PALLD: variants seen among roughly 807,000 people sequenced by gnomAD.
PALLD encodes the protein palladin.
PALLD carries 61 observed loss-of-function variants against 123.5 expected under a neutral mutation model. The observed-to-expected ratio is 0.49, with a 90% CI of 0.40 to 0.61. The LOEUF (loss-of-function observed/expected upper bound fraction) is 0.61. Among genes scored for constraint, PALLD ranks in the 20% least tolerant of loss-of-function variants. The pLI is 0.00. For missense variants in PALLD, 1,273 were observed against 1,377.0 expected, an observed-to-expected ratio of 0.92 and a Z score of 1.20; for synonymous variants, 465 against 496.4, an observed-to-expected ratio of 0.94 and a Z score of 0.84.
chr4:168,785,844 G>T (rs1252514310), intron 10 of PALLD, among the ~76,000 whole-genome samples: 4 of 53,212 alleles, frequency 7.5e-5, no homozygotes, highest in African/African-American at 1.1e-4. Context: ...ATAAACTGTA[G>T]AGATATATAT....
At chr4:168,561,951 A>T (rs1767910168) in intron 2 of PALLD, among the ~76,000 whole-genome samples, 1 of 152,318 alleles carries the variant, frequency 6.6e-6, no homozygotes, top group South Asian at 2.1e-4. Flanking sequence ...TTTAAATTAC[A>T]TGTATTTGCT....
intron 2 of PALLD, among the ~76,000 whole-genome samples, chr4:168,645,803 C>A (rs1434821324): frequency 6.6e-6 from 1 of 152,154 alleles, no homozygotes; most frequent in Non-Finnish European, 1.5e-5. Flanking sequence ...GCAAACGGGG[C>A]TGCTCACAGG....
At chr4:168,704,586 C>T (rs1784041027) in intron 8 of PALLD, among the ~76,000 whole-genome samples, 1 of 149,926 alleles carries the variant, frequency 6.7e-6, no homozygotes, top group Non-Finnish European at 1.5e-5. Flanking sequence ...ATGGCATGAA[C>T]CCGGGAGGCG....
chr4:168,677,606 C>T (rs1021105113), intron 3 of PALLD, among the ~76,000 whole-genome samples: 3 of 151,994 alleles, frequency 2.0e-5, no homozygotes, highest in Non-Finnish European at 4.4e-5. Flanking sequence ...GTGATAACTT[C>T]CATATGGTTT....
chr4:168,764,464 T>C (rs1440341092), intron 10 of PALLD, among the ~76,000 whole-genome samples: 1 of 152,114 alleles, frequency 6.6e-6, no homozygotes, highest in African/African-American at 2.4e-5. Context: ...TGGAGCACAA[T>C]AGCTATTCAC....
chr4:168,927,589 T>C lies in PALLD; in HGVS notation c.*1409T>C, dbSNP rs933863252. On this transcript the variant is annotated 3_prime_UTR_variant, in exon 22 of 22. Transcript: ENST00000505667. ...GAGAGACAAAAACAGGTTTGTGCCA[T>C]AAAGTATTTTTTCAAAGACACCAAG... The C allele has an allele frequency of 4.4e-6, 1 of 229,430 alleles. No homozygotes were observed. Among genetic ancestry groups the C allele is most frequent in the Admixed American group, 5.7e-5 (1 of 17,646 alleles). 14.2% of individuals were successfully genotyped at this position (229,430 alleles called of 1,614,324 possible). A position where few individuals can be genotyped will look rare whatever the true frequency, so the allele number is the denominator to read the frequency against.
chr4:168,855,028 T>C (rs571517010), intron 10 of PALLD, among the ~76,000 whole-genome samples: 1 of 151,840 alleles, frequency 6.6e-6, no homozygotes, highest in Non-Finnish European at 1.5e-5. Context: ...ATGAAAACAC[T>C]GTAAAAATAA....
chr4:168,527,244 G>T (rs1352039540), intron 2 of PALLD, among the ~76,000 whole-genome samples: 2 of 152,030 alleles, frequency 1.3e-5, no homozygotes, highest in African/African-American at 4.8e-5. Flanking sequence ...CCAACACGGA[G>T]AAACCCTGTC....
intron 16 of PALLD, among the ~76,000 whole-genome samples, chr4:168,914,714 C>T (rs898793045): frequency 6.6e-6 from 1 of 152,158 alleles, no homozygotes. Flanking sequence ...ATTTTATAGA[C>T]AGAATATCCT....
intron 10 of PALLD, among the ~76,000 whole-genome samples, chr4:168,726,904 C>G (rs893577548): frequency 1.3e-5 from 2 of 152,136 alleles, no homozygotes; most frequent in African/African-American, 4.8e-5. Context: ...TGGTAGTTAG[C>G]AGTGTCTGTC....
At chr4:168,633,585 TTTTTC>T (rs1466304272) in intron 2 of PALLD, among the ~76,000 whole-genome samples, 1 of 152,180 alleles carries the variant, frequency 6.6e-6, no homozygotes, top group Admixed American at 6.5e-5. Context: ...TTCTGAGTCT[TTTTTC>T]TTTTCTTTTT....
chr4:168,849,405 C>A, intron 10 of PALLD, among the ~76,000 whole-genome samples: 1 of 152,144 alleles, frequency 6.6e-6, no homozygotes, highest in East Asian at 1.9e-4. Context: ...AAGGTGATTT[C>A]TAGAATGCTC....
chr4:168,556,063 G>C (rs1268568082), intron 2 of PALLD, among the ~76,000 whole-genome samples: 1 of 151,964 alleles, frequency 6.6e-6, no homozygotes, highest in Non-Finnish European at 1.5e-5. Flanking sequence ...CTAACACATA[G>C]TATAGTCAGT....
intron 1 of PALLD, among the ~76,000 whole-genome samples, chr4:168,502,316 T>A (rs1761495870): frequency 6.6e-6 from 1 of 152,212 alleles, no homozygotes; most frequent in African/African-American, 2.4e-5. Context: ...GAATAAATGC[T>A]TTTCTAGTTC....
At chr4:168,845,152 G>T (rs1746639364) in intron 10 of PALLD, among the ~76,000 whole-genome samples, 1 of 152,166 alleles carries the variant, frequency 6.6e-6, no homozygotes, top group Admixed American at 6.5e-5. Flanking sequence ...GGCTTTACCA[G>T]CTGTGGAAGG....
intron 10 of PALLD, among the ~76,000 whole-genome samples, chr4:168,740,501 T>C (rs1178424026): frequency 6.6e-6 from 1 of 152,210 alleles, no homozygotes; most frequent in Admixed American, 6.5e-5. Flanking sequence ...TGGTTTTTTT[T>C]CTGAGCTGGA....
chr4:168,682,881 A>C, intron 4 of PALLD, 117 bp from the exon 5 acceptor site: 1 of 669,282 alleles, frequency 1.5e-6, no homozygotes, highest in East Asian at 2.8e-5. Context: ...GCGTATACAA[A>C]AAGAAACCCA....
At chr4:168,668,982 T>TATTTTAC (rs1779921142) in intron 3 of PALLD, among the ~76,000 whole-genome samples, 2 of 152,236 alleles carry the variant, frequency 1.3e-5, no homozygotes, top group South Asian at 4.1e-4. Flanking sequence ...CAAAGTATTA[T>TATTTTAC]ATTTTACATT....
At chr4:168,830,673 C>G (rs1385933177) in intron 10 of PALLD, among the ~76,000 whole-genome samples, 1 of 152,164 alleles carries the variant, frequency 6.6e-6, no homozygotes, top group African/African-American at 2.4e-5. Flanking sequence ...CAGGGACATT[C>G]AATTTTGGTT....
Sources: gnomAD v4.1 joint callset for allele counts (sites outside exome capture counted in the v4.1 genomes callset) on GRCh38, gnomAD v4.1.1 for gene constraint, MANE v1.5 for transcripts, NCBI Gene and HGNC (gene_info 2026-07-23, HGNC 2026-07-21) for gene names.